Variants in DCLK3 observed in about 807,000 individuals in gnomAD.
The protein encoded by DCLK3 is doublecortin like kinase 3.
In DCLK3, 30 loss-of-function variants were observed where a neutral mutation model predicts 46.4. The ratio of observed to expected loss-of-function variants is 0.65; its 90% CI spans 0.48 to 0.88. DCLK3 has a LOEUF of 0.88. Ranked by LOEUF, DCLK3 falls within the 40% of genes least tolerant of loss-of-function variation. DCLK3 has a pLI of 0.00. For missense variants in DCLK3, 846 were observed against 907.1 expected, an observed-to-expected ratio of 0.93 and a Z score of 0.87; for synonymous variants, 401 against 339.2, an observed-to-expected ratio of 1.18 and a Z score of -2.00.
At chr3:36,761,634 A>G (rs1175573440) in intron 1 of DCLK3, among the ~76,000 whole-genome samples, 3 of 152,236 alleles carry the variant, frequency 2.0e-5, no homozygotes, top group African/African-American at 4.8e-5. Context: ...GAGGAAACTC[A>G]GGATGCCAGA....
intron 1 of DCLK3, among the ~76,000 whole-genome samples, chr3:36,753,113 T>C (rs1445856222): frequency 6.6e-6 from 1 of 152,216 alleles, no homozygotes; most frequent in Non-Finnish European, 1.5e-5. Flanking sequence ...TAGTGGATGG[T>C]AGTTAATTGT....
chr3:36,750,482 G>A (rs1339379268), intron 1 of DCLK3, among the ~76,000 whole-genome samples: 1 of 152,158 alleles, frequency 6.6e-6, no homozygotes, highest in Non-Finnish European at 1.5e-5. Context: ...GACTAAGAAA[G>A]GACTTTCCAT....
intron 2 of DCLK3, among the ~76,000 whole-genome samples, chr3:36,727,522 C>T (rs1701140139): frequency 6.6e-6 from 1 of 152,148 alleles, no homozygotes; most frequent in Non-Finnish European, 1.5e-5. Context: ...TTTCAAAATG[C>T]CAAATCTGTT....
At chr3:36,733,223 T>TGTA (rs1701220905) in intron 2 of DCLK3, among the ~76,000 whole-genome samples, 1 of 152,214 alleles carries the variant, frequency 6.6e-6, no homozygotes, top group South Asian at 2.1e-4. Flanking sequence ...ACTCCAGGGC[T>TGTA]GTAACAGCTA....
Position 36,730,189 on chromosome 3 carries a change from T to TAC in DCLK3, c.1959+7018_1959+7019insGT, listed in dbSNP as rs760653895. Among the ~76,000 whole-genome samples, 6 of 107,710 alleles carry TAC rather than the reference T, an allele frequency of 5.6e-5. No individual in the cohort carries two copies. In the East Asian group the frequency reaches 1.1e-3, roughly 19 times the overall value. 70.7% of individuals were successfully genotyped at this position (107,710 alleles called of 152,430 possible). A position where few individuals can be genotyped will look rare whatever the true frequency, so the allele number is the denominator to read the frequency against. On this transcript the variant is annotated intron_variant, in intron 2 of 4. Coordinates refer to ENST00000636136, the MANE Select transcript of DCLK3 (RefSeq NM_001394672.2). ...TCTCAAAATATATGTACATACACCA[T>TAC]ATATACACACACACACACACACACA...
chr3:36,742,860 C>G (rs758636642), intron 1 of DCLK3, among the ~76,000 whole-genome samples: 1 of 152,102 alleles, frequency 6.6e-6, no homozygotes, highest in Non-Finnish European at 1.5e-5. Flanking sequence ...GCTCAGTCTC[C>G]GGGAACGTGC....
chr3:36,742,736 C>T (rs980460246), intron 1 of DCLK3, among the ~76,000 whole-genome samples: 3 of 152,154 alleles, frequency 2.0e-5, no homozygotes, highest in African/African-American at 7.2e-5. Context: ...TAGTCTAGAG[C>T]AAAATTTTCT....
At chr3:36,749,082 C>T (rs79077867) in intron 1 of DCLK3, among the ~76,000 whole-genome samples, 2 of 152,210 alleles carry the variant, frequency 1.3e-5, no homozygotes, top group African/African-American at 2.4e-5. Context: ...TCATCGCTCA[C>T]TCAGTAAAAT....
At chr3:36,760,890 T>C (rs1701533430) in intron 1 of DCLK3, among the ~76,000 whole-genome samples, 1 of 152,230 alleles carries the variant, frequency 6.6e-6, no homozygotes, top group African/African-American at 2.4e-5. Flanking sequence ...TCAGAGCAAT[T>C]TGAATATGCC....
intron 1 of DCLK3, among the ~76,000 whole-genome samples, chr3:36,745,622 C>T (rs1701387650): frequency 6.6e-6 from 1 of 152,202 alleles, no homozygotes; most frequent in Non-Finnish European, 1.5e-5. Flanking sequence ...GTGGTTTCAG[C>T]AGATTAATCA....
At chr3:36,734,765 GC>G (rs776787105) in intron 2 of DCLK3, among the ~76,000 whole-genome samples, 1 of 151,802 alleles carries the variant, frequency 6.6e-6, no homozygotes, top group Non-Finnish European at 1.5e-5. Flanking sequence ...TTGCCCCAGA[GC>G]ACTAAAACAT....
chr3:36,740,177 C>A (rs886983728), intron 1 of DCLK3, among the ~76,000 whole-genome samples: 3 of 150,404 alleles, frequency 2.0e-5, no homozygotes, highest in African/African-American at 7.4e-5. Context: ...ACCTCCCTCC[C>A]AGGGTTTTTG....
Position 36,714,317 on chromosome 3 carries a change from C to T in DCLK3, c.*1011G>A, listed in dbSNP as rs754820654. 6.6e-6 allele frequency: 1 copy of T among 152,190 alleles called. No individual in the cohort carries two copies. Among genetic ancestry groups the T allele is most frequent in the East Asian group, 1.9e-4 (1 of 5,196 alleles). 9.4% of individuals were successfully genotyped at this position (152,190 alleles called of 1,614,324 possible). A position where few individuals can be genotyped will look rare whatever the true frequency, so the allele number is the denominator to read the frequency against. Reference sequence around the variant, plus strand: ...ACTCTTGACTAGATTTTGTGGCCTACTAACCAGGTCATTCATAATCTAGGA... The same window carrying T: ...ACTCTTGACTAGATTTTGTGGCCTATTAACCAGGTCATTCATAATCTAGGA... On this transcript the variant is annotated 3_prime_UTR_variant, in exon 5 of 5. Transcript: ENST00000636136.
At chr3:36,724,924 G>A (rs1701106769) in intron 2 of DCLK3, among the ~76,000 whole-genome samples, 1 of 151,936 alleles carries the variant, frequency 6.6e-6, no homozygotes, top group South Asian at 2.1e-4. Context: ...AACAGGCCAG[G>A]AGTCTTTGAA....
chr3:36,738,495 C>A lies in DCLK3; in HGVS notation c.672G>T (p.Gly224=). The A allele has an allele frequency of 6.6e-7, 1 of 1,505,370 alleles. No homozygotes were observed. 93.3% of individuals were successfully genotyped at this position (1,505,370 alleles called of 1,614,324 possible). A position where few individuals can be genotyped will look rare whatever the true frequency, so the allele number is the denominator to read the frequency against. Residue 224 remains glycine (G), a synonymous_variant, in exon 2 of 5, where the codon GGG becomes GGT. Coordinates refer to ENST00000636136, the MANE Select transcript of DCLK3 (RefSeq NM_001394672.2). ...SKALKGDHRC[G]ETETPKSCSE... ...TGCAGCTCTTGGGGGTCTCGGTCTC[C>A]CCACAGCGGTGGTCTCCTTTCAGAG...
At chr3:36,748,954 G>C (rs751420913) in intron 1 of DCLK3, among the ~76,000 whole-genome samples, 7 of 152,034 alleles carry the variant, frequency 4.6e-5, no homozygotes, top group Non-Finnish European at 7.4e-5. Flanking sequence ...TGAGACATCC[G>C]ATGCTGGTTG....
intron 1 of DCLK3, among the ~76,000 whole-genome samples, chr3:36,743,865 A>T (rs531088082): frequency 6.6e-6 from 1 of 152,104 alleles, no homozygotes; most frequent in South Asian, 2.1e-4. Context: ...CCACCAATCC[A>T]AGCCTCACCA....
Position 36,737,964 on chromosome 3 carries a change from T to C in DCLK3, c.1203A>G (p.Gln401=), listed in dbSNP as rs2125530645. Residue 401 remains glutamine, a synonymous_variant, in exon 2 of 5, where the codon CAA becomes CAG. Coordinates refer to ENST00000636136, the MANE Select transcript of DCLK3 (RefSeq NM_001394672.2). The surrounding 1 kb of genome is among the most constrained non-coding windows in gnomAD (Gnocchi z 4.4). ...DKKEDRGPED[Q]ESHAQGAAKA... ...TGGCTGCTCCCTGAGCATGGCTTTC[T>C]TGATCCTCTGGGCCTCTGTCCTCTT... 1 of 1,614,208 alleles carries C rather than the reference T, an allele frequency of 6.2e-7. No individual in the cohort carries two copies. Among genetic ancestry groups the C allele is most frequent in the Middle Eastern group, 1.6e-4 (1 of 6,062 alleles).
At chr3:36,730,334 C>G (rs1311750971) in intron 2 of DCLK3, among the ~76,000 whole-genome samples, 1 of 151,944 alleles carries the variant, frequency 6.6e-6, no homozygotes, top group Non-Finnish European at 1.5e-5. Flanking sequence ...AGATAAGATG[C>G]TTTTGGTGTC....
Sources: gnomAD v4.1 joint callset for allele counts (sites outside exome capture counted in the v4.1 genomes callset) on GRCh38, gnomAD v4.1.1 for gene constraint, Gnocchi (gnomAD v3.1) non-coding constraint, MANE v1.5 for transcripts, NCBI Gene and HGNC (gene_info 2026-07-23, HGNC 2026-07-21) for gene names.